Variants in MMP24 observed in about 807,000 individuals in gnomAD.
MMP24 encodes matrix metalloproteinase-24.
MMP24 carries 25 observed loss-of-function variants against 62.8 expected under a neutral mutation model. The ratio of observed to expected loss-of-function variants is 0.40; its 90% CI spans 0.29 to 0.56. MMP24 has a LOEUF of 0.56. Ranked by LOEUF, MMP24 falls within the 20% of genes least tolerant of loss-of-function variation. The pLI is 0.50. For missense variants in MMP24, 634 were observed against 853.6 expected, an observed-to-expected ratio of 0.74 and a Z score of 3.21; for synonymous variants, 319 against 350.5, an observed-to-expected ratio of 0.91 and a Z score of 1.00.
chr20:35,239,165 G>C (rs1222251734), intron 1 of MMP24, among the ~76,000 whole-genome samples: 2 of 151,554 alleles, frequency 1.3e-5, no homozygotes, highest in East Asian at 3.9e-4. Context: ...TCCTGCCTCA[G>C]CCTCCCGAGT....
At chr20:35,267,468 C>A in intron 6 of MMP24, 49 bp downstream of exon 6, 1 of 1,501,564 alleles carries the variant, frequency 6.7e-7, no homozygotes, top group Non-Finnish European at 9.1e-7. Flanking sequence ...ACCTTTCCTC[C>A]TCCTCCCCGA....
Position 35,226,696 on chromosome 20 carries a change from G to T in MMP24, c.-43G>T. On this transcript the variant is annotated 5_prime_UTR_variant, in exon 1 of 9. Transcript: ENST00000246186. ...CGCTGGCGGCCGAGGCGGCGGCGGC[G>T]GCGGCGAAGGCAGGCGGGCCGGGCG... The T allele has an allele frequency of 1.2e-4, 1 of 8,634 alleles. No homozygotes were observed. Among genetic ancestry groups the T allele is most frequent in the Non-Finnish European group, 1.4e-4 (1 of 7,096 alleles). The allele number at this position is 8,634 out of a possible 1,614,324, so 0.5% of individuals were successfully genotyped here. A position where few individuals can be genotyped will look rare whatever the true frequency, so the allele number is the denominator to read the frequency against.
chr20:35,267,271 C>T lies in MMP24; in HGVS notation c.1046C>T (p.Ser349Leu), dbSNP rs766430502. The change falls in exon 6 of 9, where the codon TCA becomes TTA. Residue 349 changes from serine (S) to leucine (L), a missense_variant. Coordinates refer to ENST00000246186, the MANE Select transcript of MMP24 (RefSeq NM_006690.4). ...LPTLPVRRIH[S>L]PSERKHERQP... The stretch of plus-strand genomic sequence containing the variant: ...ACACTCCCCGTCCGCAGGATCCACT[C>T]ACCATCGGAGAGGAAACACGAGCGC... 4 of 1,606,220 alleles carry T rather than the reference C, an allele frequency of 2.5e-6. No homozygotes were observed. The Admixed American group carries it at 6.8e-5, about 27-fold the overall frequency.
chr20:35,234,717 C>A lies in MMP24; in HGVS notation c.246+7733C>A, dbSNP rs180949290. Among the ~76,000 whole-genome samples, 336 of 152,222 alleles carry A rather than the reference C, an allele frequency of 2.2e-3. 1 individual carries two copies. Among genetic ancestry groups the A allele is most frequent in the African/African-American group, 7.7e-3 (321 of 41,516 alleles). On this transcript the variant is annotated intron_variant, in intron 1 of 8. Transcript: ENST00000246186. ...TAGAGGTTGGGGTACTTGAGGTGAGCAATAAAGGGTAGAAGGTACAGGACA... is the reference window on the plus strand; with the variant it reads ...TAGAGGTTGGGGTACTTGAGGTGAGAAATAAAGGGTAGAAGGTACAGGACA...
In MMP24 at chr20:35,269,740, C is replaced by A. The variant is rs1568621706; in HGVS notation, c.1195-20C>A. 1 of 1,562,258 alleles carries A rather than the reference C, an allele frequency of 6.4e-7. No individual in the cohort carries two copies. The highest frequency in any genetic ancestry group is 1.9e-5 in the Admixed American group (1 of 52,386). On this transcript the variant is annotated intron_variant, in intron 6 of 8. Transcript: ENST00000246186. The surrounding 1 kb of genome is among the most constrained non-coding windows in gnomAD (Gnocchi z 4.6). ...GCAGGGCCTGACACACCTCTCTCCC[C>A]CTCTCCCGCTTCCTCCCAGGATCGC...
At chr20:35,227,872 T>C (rs1180970757) in intron 1 of MMP24, among the ~76,000 whole-genome samples, 2 of 152,186 alleles carry the variant, frequency 1.3e-5, no homozygotes, top group African/African-American at 4.8e-5. Flanking sequence ...ACACAGCTAG[T>C]GAGTGATGGA....
At chr20:35,259,426 G>A (rs77971794) in intron 4 of MMP24, among the ~76,000 whole-genome samples, 55 of 152,244 alleles carry the variant, frequency 3.6e-4, no homozygotes, top group African/African-American at 1.3e-3. Context: ...CTGGGGCAGC[G>A]AGCATGTGCA....
In MMP24 at chr20:35,274,439, A is replaced by G. The variant is rs764217124; in HGVS notation, c.1768A>G (p.Met590Val). The change falls in exon 9 of 9, where the codon ATG becomes GTG. Residue 590 changes from methionine (M) to valine (V), a missense_variant. This residue lies in a region of MMP24 where 399 missense variants were observed against 530.8 expected (regional missense o/e 0.75). Coordinates refer to ENST00000246186, the MANE Select transcript of MMP24 (RefSeq NM_006690.4). This position sits in a 1 kb window ranked among gnomAD's most constrained non-coding sequence, Gnocchi z 5.1. ...GCTGCCCCAGGACGACGTGGACATC[A>G]TGGTGACCATCAACGATGTGCCGGG... Reference protein sequence around the residue: ...RRLPQDDVDIMVTINDVPGSV... With the variant: ...RRLPQDDVDIVVTINDVPGSV... The G allele has an allele frequency of 3.7e-6, 6 of 1,613,970 alleles. No individual in the cohort carries two copies. The highest frequency in any genetic ancestry group is 4.2e-6 in the Non-Finnish European group (5 of 1,179,876).
At position 35,267,281 on chromosome 20, in the gene MMP24, G is replaced by A. The variant is rs1156675870; in HGVS notation, c.1056G>A (p.Glu352=). ...LPVRRIHSPS[E]RKHERQPRPP... ...TCCGCAGGATCCACTCACCATCGGA[G>A]AGGAAACACGAGCGCCAGCCCAGGC... The change falls in exon 6 of 9, where the codon GAG becomes GAA. Residue 352 remains glutamate, a synonymous_variant. Coordinates refer to ENST00000246186, the MANE Select transcript of MMP24 (RefSeq NM_006690.4). 2 of 1,604,798 alleles carry A rather than the reference G, an allele frequency of 1.2e-6. No individual in the cohort carries two copies. The highest frequency in any genetic ancestry group is 2.3e-5 in the East Asian group (1 of 44,294).
chr20:35,236,333 T>G (rs2060462972), intron 1 of MMP24: 1 of 152,242 alleles, frequency 6.6e-6, no homozygotes, highest in Non-Finnish European at 1.5e-5. Context: ...TGATTTTGAA[T>G]AAGTCATTTC....
chr20:35,243,154 G>A (rs2060497390), intron 1 of MMP24, among the ~76,000 whole-genome samples: 2 of 152,094 alleles, frequency 1.3e-5, no homozygotes, highest in South Asian at 4.1e-4. Context: ...ACTCCAGCCT[G>A]GGCAAGAGAG....
chr20:35,264,107 T>A, intron 5 of MMP24, 155 bp downstream of exon 5: 2 of 869,566 alleles, frequency 2.3e-6, no homozygotes, highest in South Asian at 4.7e-5. Context: ...CCAATGGCTT[T>A]GCCTGGCCAG....
intron 1 of MMP24, among the ~76,000 whole-genome samples, chr20:35,231,556 CAT>C (rs2060437463): frequency 6.6e-6 from 1 of 152,038 alleles, no homozygotes. Context: ...TGTGGGGTTT[CAT>C]ATTACTTTAA....
chr20:35,232,446 C>T (rs954410581), intron 1 of MMP24, among the ~76,000 whole-genome samples: 6 of 152,154 alleles, frequency 3.9e-5, no homozygotes, highest in Non-Finnish European at 8.8e-5. Flanking sequence ...ACACAAAAGT[C>T]GCTACCTTTT....
Position 35,226,904 on chromosome 20 carries a change from G to C in MMP24, c.166G>C (p.Ala56Pro), listed in dbSNP as rs1370443669. The C allele has an allele frequency of 8.2e-6, 8 of 980,954 alleles. No homozygotes were observed. The highest frequency in any genetic ancestry group is 9.7e-6 in the Non-Finnish European group (8 of 828,668). The allele number at this position is 980,954 out of a possible 1,614,324, so 60.8% of individuals were successfully genotyped here. A position where few individuals can be genotyped will look rare whatever the true frequency, so the allele number is the denominator to read the frequency against. Residue 56 changes from alanine to proline, a missense_variant, in exon 1 of 9, where the codon GCG (alanine) becomes CCG (proline). Physicochemically the swap from Ala to Pro is conservative, Grantham distance 27 (BLOSUM62 -1). Around this residue, in one of 3 missense-constraint regions of MMP24, gnomAD observed 212 missense variants for 259.6 expected, o/e 0.82. Transcript: ENST00000246186. Reference sequence around the variant, plus strand: ...GGGCGCCGCGCGGGCGGCGGCGGCGGCGGCGGGGGCAGGGAACCGGGCAGC... The same window carrying C: ...GGGCGCCGCGCGGGCGGCGGCGGCGCCGGCGGGGGCAGGGAACCGGGCAGC... ...LPGAARAAAA[A>P]AGAGNRAAVA...
chr20:35,230,903 AT>A (rs1457316761), intron 1 of MMP24, among the ~76,000 whole-genome samples: 1 of 152,082 alleles, frequency 6.6e-6, no homozygotes, highest in Non-Finnish European at 1.5e-5. Flanking sequence ...AAGCCAAAAA[AT>A]TTTTTTATTC....
chr20:35,234,886 G>A (rs1267279393), intron 1 of MMP24, among the ~76,000 whole-genome samples: 5 of 152,070 alleles, frequency 3.3e-5, no homozygotes, highest in Non-Finnish European at 7.4e-5. Flanking sequence ...CAGCCTGAGC[G>A]ACAGAGCAGA....
chr20:35,252,700 C>T (rs1344739724), intron 3 of MMP24, among the ~76,000 whole-genome samples: 1 of 152,258 alleles, frequency 6.6e-6, no homozygotes, highest in Non-Finnish European at 1.5e-5. Context: ...GATCAGTGGC[C>T]CAAGAACTAG....
Position 35,276,019 on chromosome 20 carries a change from C to T in MMP24, c.*1410C>T. On this transcript the variant is annotated 3_prime_UTR_variant, in exon 9 of 9. Transcript: ENST00000246186. ...AGGCCAATGGGTTCATCAATGCCCA[C>T]TGGCTCTCTGCCAAAGCCAAAAAGG... is the stretch of plus-strand genomic sequence containing the variant. The T allele has an allele frequency of 2.5e-6, 1 of 398,720 alleles. No individual in the cohort carries two copies. Among genetic ancestry groups the T allele is most frequent in the East Asian group, 3.6e-5 (1 of 28,070 alleles). 24.7% of individuals were successfully genotyped at this position (398,720 alleles called of 1,614,324 possible).
Sources: gnomAD v4.1 joint callset for allele counts (sites outside exome capture counted in the v4.1 genomes callset) on GRCh38, gnomAD v4.1.1 for gene constraint, gnomAD v4.1.1 regional missense constraint, Gnocchi (gnomAD v3.1) non-coding constraint, MANE v1.5 for transcripts, NCBI Gene and HGNC (gene_info 2026-07-23, HGNC 2026-07-21) for gene names.